The following CKLF variants were observed in gnomAD, a reference collection of about 807,000 sequenced individuals.
CKLF encodes chemokine-like factor.
A neutral mutation model predicts 12.9 loss-of-function variants in CKLF; 16 were observed. That is an observed-to-expected ratio of 1.24 (90% CI 0.84 to 1.88). The LOEUF (loss-of-function observed/expected upper bound fraction) is 1.88. Ranked by LOEUF, CKLF falls within the 40% of genes most tolerant of loss-of-function variation. CKLF has a pLI of 0.00. For synonymous variants in CKLF, 61 were observed against 69.0 expected (o/e 0.88, Z 0.57); for missense variants, 172 against 188.5 (o/e 0.91, Z 0.51).
At position 66,558,349 on chromosome 16, in the gene CKLF, G is replaced by GTA. The variant is rs2011530349; in HGVS notation, c.237+2_237+3dup. 1 of 1,601,066 alleles carries GTA rather than the reference G, an allele frequency of 6.2e-7. No individual in the cohort carries two copies. The highest frequency in any genetic ancestry group is 8.5e-7 in the Non-Finnish European group (1 of 1,177,118). ...GAAGTGGTTATTTTGGCCTTTGCTT[G>GTA]TAAGTGTTCAGTTTCATCCTTAAAT... On this transcript the variant is annotated splice_donor_variant, in intron 2 of 3. Coordinates refer to ENST00000264001, the MANE Select transcript of CKLF (RefSeq NM_016951.4). LOFTEE classifies it high-confidence loss of function.
chr16:66,558,014 C>A (rs948236501), intron 1 of CKLF, among the ~76,000 whole-genome samples, 176 bp from the exon 2 acceptor site: 18 of 151,984 alleles, frequency 1.2e-4, no homozygotes, highest in African/African-American at 4.1e-4. Flanking sequence ...CCTTATGTTG[C>A]CCAGGCTGGT....
chr16:66,566,239 C>G (rs1295413363), downstream of CKLF: 4 of 1,471,762 alleles, frequency 2.7e-6, no homozygotes, highest in Non-Finnish European at 3.6e-6. This position sits in a 1 kb window ranked among gnomAD's most constrained non-coding sequence, Gnocchi z 4.9. Context: ...CCGGGATCCG[C>G]CTCAGGGATC....
In CKLF at chr16:66,552,776, G is replaced by A. The variant is rs775560001; in HGVS notation, c.61G>A (p.Val21Met). Residue 21 changes from valine (V) to methionine (M), a missense_variant, in exon 1 of 4, where the codon GTG becomes ATG. Physicochemically the swap from Val to Met is conservative, Grantham distance 21 (BLOSUM62 1). Transcript: ENST00000264001. ...CTTCTGCTTCAGTGTGAAAGGCCAC[G>A]TGAAGATGCTGCGGCTGGTGAGGCC... ...RPFCFSVKGH[V>M]KMLRLALTVT... 1.9e-6 allele frequency: 3 copies of A among 1,613,992 alleles called. No individual in the cohort carries two copies. The Admixed American group carries it at 5.0e-5, about 27-fold the overall frequency.
chr16:66,562,546 G>C (rs572787707), intron 2 of CKLF, among the ~76,000 whole-genome samples: 1 of 151,922 alleles, frequency 6.6e-6, no homozygotes, highest in African/African-American at 2.4e-5. Context: ...AAGTAAAAAA[G>C]AAATAAAAAG....
intron 1 of CKLF, among the ~76,000 whole-genome samples, chr16:66,555,702 G>A (rs1290343231): frequency 6.6e-6 from 1 of 152,186 alleles, no homozygotes; most frequent in East Asian, 1.9e-4. Flanking sequence ...AAAGACCCTG[G>A]AGAGCCACTG....
chr16:66,563,615 G>A (rs1157582203), intron 3 of CKLF, among the ~76,000 whole-genome samples: 1 of 152,182 alleles, frequency 6.6e-6, no homozygotes, highest in Admixed American at 6.6e-5. Context: ...TTGTTAAGAT[G>A]AGACAGACTG....
intron 2 of CKLF, among the ~76,000 whole-genome samples, chr16:66,560,653 G>A (rs1379941578): frequency 6.6e-6 from 1 of 152,128 alleles, no homozygotes; most frequent in Non-Finnish European, 1.5e-5. Flanking sequence ...AGAGAGAGCT[G>A]AAGGTAAAAC....
Position 66,556,808 on chromosome 16 carries a change from A to C in CKLF, c.79-1382A>C, listed in dbSNP as rs191267498. Among the ~76,000 whole-genome samples the C allele has an allele frequency of 6.6e-5, 10 of 152,358 alleles. No homozygotes were observed. In the East Asian group the frequency reaches 1.7e-3, roughly 26 times the overall value. ...AATAAAGTAATTGGAAGAATTATGA[A>C]TAAGTAACCTATATGGACTTAAAAT... On this transcript the variant is annotated intron_variant, in intron 1 of 3. Transcript: ENST00000264001.
At chr16:66,565,715 G>T in intron 3 of CKLF, 171 bp from the exon 4 acceptor site, 1 of 645,824 alleles carries the variant, frequency 1.5e-6, no homozygotes, top group Non-Finnish European at 2.8e-6. Flanking sequence ...TTAGCAATGA[G>T]GAGAATAAGA....
chr16:66,562,560 T>G (rs1455511306), intron 2 of CKLF, among the ~76,000 whole-genome samples: 4 of 152,210 alleles, frequency 2.6e-5, no homozygotes, highest in Non-Finnish European at 5.9e-5. Context: ...TAAAAAGCTT[T>G]TTAAGTAAAT....
Position 66,566,005 on chromosome 16 carries a change from T to C in CKLF, c.453T>C (p.Val151=). 1 of 1,610,888 alleles carries C rather than the reference T, an allele frequency of 6.2e-7. No homozygotes were observed. Among genetic ancestry groups the C allele is most frequent in the East Asian group, 2.2e-5 (1 of 44,876 alleles). Reference sequence around the variant, plus strand: ...AGCCTGTGCATGAAAAAAAAGAAGTTTTGTAATTTTATATTACTTTTTAGT... The same window carrying C: ...AGCCTGTGCATGAAAAAAAAGAAGTCTTGTAATTTTATATTACTTTTTAGT... ...QKKPVHEKKE[V]L Residue 151 remains valine (V), a synonymous_variant, in exon 4 of 4, where the codon GTT becomes GTC. Transcript: ENST00000264001. This position sits in a 1 kb window ranked among gnomAD's most constrained non-coding sequence, Gnocchi z 4.9.
chr16:66,555,380 T>C (rs1305765701), intron 1 of CKLF, among the ~76,000 whole-genome samples: 1 of 152,188 alleles, frequency 6.6e-6, no homozygotes, highest in African/African-American at 2.4e-5. Flanking sequence ...TGGCTGGTGG[T>C]AGCAAAGCAG....
At position 66,558,210 on chromosome 16, in the gene CKLF, G is replaced by A. The variant is rs1258932288; in HGVS notation, c.99G>A (p.Met33Ile). Residue 33 changes from methionine (M) to isoleucine (I), a missense_variant, in exon 2 of 4, where the codon ATG becomes ATA. Physicochemically the swap from Met to Ile is conservative, Grantham distance 10. Transcript: ENST00000264001. ...MLRLALTVTS[M>I]TFFIIAQAPE... ...TCTAGGCACTAACTGTGACATCTAT[G>A]ACCTTTTTTATCATCGCACAAGCCC... 1.2e-6 allele frequency: 2 copies of A among 1,612,262 alleles called. No homozygotes were observed. Among genetic ancestry groups the A allele is most frequent in the East Asian group, 2.2e-5 (1 of 44,864 alleles).
At chr16:66,565,167 G>A (rs1221684245) in intron 3 of CKLF, among the ~76,000 whole-genome samples, 1 of 152,146 alleles carries the variant, frequency 6.6e-6, no homozygotes, top group Non-Finnish European at 1.5e-5. Flanking sequence ...AGGAGACTGT[G>A]AGAGCCATGT....
chr16:66,553,970 G>A (rs1162703739), intron 1 of CKLF, among the ~76,000 whole-genome samples: 2 of 152,190 alleles, frequency 1.3e-5, no homozygotes, highest in African/African-American at 4.8e-5. Context: ...GAGGGAAGGA[G>A]AAATAACTTT....
chr16:66,558,983 T>C (rs758134435), intron 2 of CKLF, among the ~76,000 whole-genome samples: 1 of 152,226 alleles, frequency 6.6e-6, no homozygotes, highest in Admixed American at 6.5e-5. Flanking sequence ...TTCGTTAAGA[T>C]GTATGCAGCC....
rs58084691 is a variant in CKLF at position 66,560,798 on chromosome 16, TACACACACACACACACACAC to T, written c.238-2303_238-2284del. Among the ~76,000 whole-genome samples the T allele has an allele frequency of 4.4e-3, 634 of 143,760 alleles. 2 individuals carry two copies. The highest frequency in any genetic ancestry group is 0.015 in the African/African-American group (591 of 39,070). The allele number at this position is 143,760 out of a possible 152,430, so 94.3% of individuals were successfully genotyped here. ...ACACATTTAAACAGAAAGATAAGTA[TACACACACACACACACACAC>T]ACACACACACACACACACACTTTCT... On this transcript the variant is annotated intron_variant, in intron 2 of 3. Coordinates refer to ENST00000264001, the MANE Select transcript of CKLF (RefSeq NM_016951.4).
intron 1 of CKLF, among the ~76,000 whole-genome samples, chr16:66,552,998 A>G (rs930689883): frequency 6.6e-6 from 1 of 152,150 alleles, no homozygotes; most frequent in African/African-American, 2.4e-5. Flanking sequence ...ACACTCATTC[A>G]TGAAAACCAG....
intron 1 of CKLF, among the ~76,000 whole-genome samples, chr16:66,554,101 T>C (rs2011311043): frequency 6.6e-6 from 1 of 152,230 alleles, no homozygotes; most frequent in Admixed American, 6.5e-5. Context: ...GTGAGAATGG[T>C]TAGTTTTTGA....
Sources: allele counts gnomAD v4.1 joint callset (sites outside exome capture counted in the v4.1 genomes callset), GRCh38; gene constraint gnomAD v4.1.1; non-coding constraint Gnocchi (gnomAD v3.1); transcripts MANE v1.5; gene names NCBI Gene and HGNC (gene_info 2026-07-23, HGNC 2026-07-21).